Variants in CTTN observed in about 807,000 individuals in gnomAD.
CTTN encodes the protein src substrate cortactin.
Under a neutral mutation model 84.0 loss-of-function variants are expected in CTTN, and 28 were observed. The observed-to-expected ratio is 0.33, with a 90% CI of 0.25 to 0.46. The LOEUF is 0.46. Among genes scored for constraint, CTTN ranks in the 20% least tolerant of loss-of-function variants. The pLI is 1.00. For synonymous variants in CTTN, 301 were observed against 288.8 expected, an observed-to-expected ratio of 1.04 and a Z score of -0.43; for missense variants, 641 against 723.8, an observed-to-expected ratio of 0.89 and a Z score of 1.31.
At chr11:70,402,900 G>A (rs2058003066) in intron 1 of CTTN, among the ~76,000 whole-genome samples, 1 of 152,198 alleles carries the variant, frequency 6.6e-6, no homozygotes, top group African/African-American at 2.4e-5. Context: ...GGAACTGCCA[G>A]ACCTTTTCCA....
At chr11:70,416,799 C>T (rs921161151) in intron 7 of CTTN, 17 of 537,192 alleles carry the variant, frequency 3.2e-5, no homozygotes, top group Middle Eastern at 4.8e-4. Context: ...TGCCCTGTAA[C>T]AGCTGACAGG....
At chr11:70,403,490 A>G (rs910728864) in intron 1 of CTTN, among the ~76,000 whole-genome samples, 1 of 152,140 alleles carries the variant, frequency 6.6e-6, no homozygotes, top group African/African-American at 2.4e-5. Context: ...CCTGGCCAAG[A>G]GTTCTTTATA....
In CTTN at chr11:70,408,691, C is replaced by T. The variant is rs1292573752; in HGVS notation, c.161+1100C>T. Among the ~76,000 whole-genome samples the T allele has an allele frequency of 2.6e-5, 4 of 152,174 alleles. No homozygotes were observed. In the South Asian group the frequency reaches 6.2e-4, roughly 24 times the overall value. On this transcript the variant is annotated intron_variant, in intron 4 of 17. Coordinates refer to ENST00000301843, the MANE Select transcript of CTTN (RefSeq NM_005231.4). ...CTGGGATCACAGGTGTGTGCCGCCGCACCTGGCCCCCAGTGGCTTTTTATA... is the reference window on the plus strand; with the variant it reads ...CTGGGATCACAGGTGTGTGCCGCCGTACCTGGCCCCCAGTGGCTTTTTATA...
chr11:70,401,424 C>T (rs550556757), intron 1 of CTTN, among the ~76,000 whole-genome samples: 3 of 150,222 alleles, frequency 2.0e-5, no homozygotes, highest in Admixed American at 1.3e-4. Flanking sequence ...TGCAGTGAGC[C>T]GAGATCACAC....
chr11:70,419,690 C>A (rs1314636217), intron 8 of CTTN, 56 bp from the exon 9 acceptor site: 4 of 1,415,084 alleles, frequency 2.8e-6, no homozygotes, highest in East Asian at 2.3e-5. Context: ...AAAATACTTG[C>A]ATGTTCACTG....
chr11:70,429,337 G>T lies in CTTN; in HGVS notation c.1176+138G>T, dbSNP rs967177867. 12 of 945,660 alleles carry T rather than the reference G, an allele frequency of 1.3e-5. 1 individual carries two copies. In the South Asian group the frequency reaches 2.0e-4, roughly 15 times the overall value. The allele number at this position is 945,660 out of a possible 1,614,324, so 58.6% of individuals were successfully genotyped here. ...AAGGCATGTTTAACTCTCCTTTAAG[G>T]CTCTCCATTAAGGCACTTGTCACTT... On this transcript the variant is annotated intron_variant, in intron 14 of 17. Coordinates refer to ENST00000301843, the MANE Select transcript of CTTN (RefSeq NM_005231.4).
intron 8 of CTTN, among the ~76,000 whole-genome samples, chr11:70,417,995 C>T (rs1264392246): frequency 1.3e-5 from 2 of 152,184 alleles, no homozygotes; most frequent in South Asian, 2.1e-4. Context: ...TCACTCAGAG[C>T]GTTTCCCAGG....
intron 1 of CTTN, among the ~76,000 whole-genome samples, chr11:70,401,400 T>G (rs941986411): frequency 6.6e-6 from 1 of 151,458 alleles, no homozygotes; most frequent in Non-Finnish European, 1.5e-5. Context: ...CGCTTGAACC[T>G]GCGAAGTGGA....
intron 14 of CTTN, among the ~76,000 whole-genome samples, chr11:70,429,832 G>T (rs1416814399): frequency 6.6e-6 from 1 of 152,148 alleles, no homozygotes; most frequent in Non-Finnish European, 1.5e-5. Context: ...GATCAGGGGG[G>T]TTGTGAATAG....
At chr11:70,421,129 C>A (rs1484944133) in intron 10 of CTTN, among the ~76,000 whole-genome samples, 1 of 152,228 alleles carries the variant, frequency 6.6e-6, no homozygotes, top group African/African-American at 2.4e-5. Flanking sequence ...CAGGGTCTCT[C>A]CTCCCGTGTA....
intron 1 of CTTN, among the ~76,000 whole-genome samples, chr11:70,402,501 C>T (rs552834137): frequency 7.2e-5 from 11 of 152,320 alleles, no homozygotes; most frequent in East Asian, 1.9e-4. Flanking sequence ...CACCACCATC[C>T]GCCCAGCCCT....
intron 15 of CTTN, 149 bp downstream of exon 15, chr11:70,431,429 C>A: frequency 2.5e-6 from 2 of 789,474 alleles, no homozygotes; most frequent in East Asian, 2.6e-5. Context: ...AGGGGTGGGC[C>A]AGGAGCGCCT....
Position 70,414,583 on chromosome 11 carries a change from C to T in CTTN, c.333C>T (p.His111=). 1 of 1,614,214 alleles carries T rather than the reference C, an allele frequency of 6.2e-7. No individual in the cohort carries two copies. Among genetic ancestry groups the T allele is most frequent in the Non-Finnish European group, 8.5e-7 (1 of 1,180,014 alleles). ...GHEYQSKLSK[H]CSQVDSVRGF... is the part of the protein sequence containing the mutation. The stretch of plus-strand genomic sequence containing the variant: ...AATATCAGTCGAAACTTTCCAAGCA[C>T]TGCTCGCAGGTGGACTCGGTCCGTG... Residue 111 remains histidine, a synonymous_variant, in exon 6 of 18, where the codon CAC becomes CAT. Transcript: ENST00000301843.
intron 14 of CTTN, among the ~76,000 whole-genome samples, chr11:70,430,285 G>T (rs2058340180): frequency 6.6e-6 from 1 of 152,220 alleles, no homozygotes; most frequent in Admixed American, 6.5e-5. Flanking sequence ...CTCAGACTCA[G>T]CGTCTGGCAC....
intron 6 of CTTN, among the ~76,000 whole-genome samples, chr11:70,414,866 G>A (rs547046185): frequency 2.0e-4 from 31 of 152,250 alleles, no homozygotes; most frequent in Non-Finnish European, 3.4e-4. Flanking sequence ...CAGTCCCTGC[G>A]GTCGCTCTTC....
At chr11:70,424,072 G>A (rs961902557) in intron 12 of CTTN, among the ~76,000 whole-genome samples, 2 of 152,304 alleles carry the variant, frequency 1.3e-5, no homozygotes, top group East Asian at 1.9e-4. Context: ...ACTGGGAGGA[G>A]CAGATGTGGG....
intron 17 of CTTN, among the ~76,000 whole-genome samples, chr11:70,434,439 G>A (rs1040763797): frequency 2.0e-5 from 3 of 152,274 alleles, no homozygotes; most frequent in Admixed American, 2.0e-4. Context: ...AGTGCTTCCC[G>A]TTTGCAACTT....
Position 70,436,335 on chromosome 11 carries a change from G to A in CTTN, c.*1173G>A, listed in dbSNP as rs746268916. 6.8e-5 allele frequency: 108 copies of A among 1,598,206 alleles called. No homozygotes were observed. The highest frequency in any genetic ancestry group is 8.8e-5 in the Non-Finnish European group (104 of 1,179,786). On this transcript the variant is annotated 3_prime_UTR_variant, in exon 18 of 18. Transcript: ENST00000301843. Reference sequence around the variant, plus strand: ...GAGGCTGGACCAGTCCCGTCGTGCAGTCAGGTGGGCGGTGTGTCTTTCCAG... The same window carrying A: ...GAGGCTGGACCAGTCCCGTCGTGCAATCAGGTGGGCGGTGTGTCTTTCCAG...
At chr11:70,434,744 G>A (rs2058395530) in intron 17 of CTTN, among the ~76,000 whole-genome samples, 1 of 152,258 alleles carries the variant, frequency 6.6e-6, no homozygotes, top group Admixed American at 6.5e-5. Flanking sequence ...GGCAGGCGGG[G>A]CTGGAGTTAT....
Sources: allele counts gnomAD v4.1 joint callset (sites outside exome capture counted in the v4.1 genomes callset), GRCh38; gene constraint gnomAD v4.1.1; transcripts MANE v1.5; gene names NCBI Gene and HGNC (gene_info 2026-07-23, HGNC 2026-07-21).